CSMD1: variants seen among roughly 807,000 people sequenced by gnomAD.
CSMD1 encodes the protein CUB and Sushi multiple domains 1.
A neutral mutation model predicts 417.5 loss-of-function variants in CSMD1; 213 were observed. That is an observed-to-expected ratio of 0.51 (90% CI 0.46 to 0.57). The LOEUF (loss-of-function observed/expected upper bound fraction) is 0.57, where lower values mean the gene tolerates loss of function less well. CSMD1 is among the 20% of genes least tolerant of loss of function. The probability of loss-of-function intolerance (pLI) is 0.00; values close to 1 mark genes in which losing one functional copy is unlikely to be tolerated. For synonymous variants in CSMD1, 2,862 were observed against 1,736.8 expected, an observed-to-expected ratio of 1.65 and a Z score of -16.11; for missense variants, 6,923 against 4,529.7, an observed-to-expected ratio of 1.53 and a Z score of -15.17.
chr8:4,299,637 T>A (rs1467061939), intron 3 of CSMD1, among the ~76,000 whole-genome samples: 1 of 152,166 alleles, frequency 6.6e-6, no homozygotes, highest in Admixed American at 6.5e-5. Context: ...ATACACTATC[T>A]TTCTTTTCTT....
intron 3 of CSMD1, among the ~76,000 whole-genome samples, chr8:4,123,997 A>G (rs1347278158): frequency 1.3e-5 from 2 of 152,226 alleles, no homozygotes; most frequent in Non-Finnish European, 2.9e-5. Context: ...AAGAATAATT[A>G]AAATATTAAT....
chr8:3,059,515 G>A (rs901485878), intron 49 of CSMD1, among the ~76,000 whole-genome samples: 1 of 152,170 alleles, frequency 6.6e-6, no homozygotes, highest in Admixed American at 6.5e-5. Flanking sequence ...GAGGAGAGGA[G>A]GGGACACACG....
chr8:3,517,076 G>A (rs1216010783), intron 10 of CSMD1, among the ~76,000 whole-genome samples: 2 of 152,194 alleles, frequency 1.3e-5, no homozygotes, highest in Non-Finnish European at 2.9e-5. Flanking sequence ...CAGCTCCAGG[G>A]AAGGGGCATC....
chr8:3,439,309 A>ATATATATTTTTTT lies in CSMD1; in HGVS notation c.1561+29402_1561+29403insAAAAAAATATATA. On this transcript the variant is annotated intron_variant, in intron 12 of 69. Coordinates refer to ENST00000635120, the MANE Select transcript of CSMD1 (RefSeq NM_033225.6). The stretch of plus-strand genomic sequence containing the variant: ...TATATATATATATATATATATATAT[A>ATATATATTTTTTT]TTTTTTTTTTTAATATGTATTTTTA... Among the ~76,000 whole-genome samples the ATATATATTTTTTT allele has an allele frequency of 2.8e-3, 174 of 62,352 alleles. 3 individuals are homozygous for ATATATATTTTTTT. Among genetic ancestry groups the ATATATATTTTTTT allele is most frequent in the Middle Eastern group, 0.01 (1 of 100 alleles). 40.9% of individuals were successfully genotyped at this position (62,352 alleles called of 152,430 possible).
At chr8:3,991,929 TTTC>T (rs1259221109) in intron 5 of CSMD1, among the ~76,000 whole-genome samples, 1 of 152,126 alleles carries the variant, frequency 6.6e-6, no homozygotes, top group Non-Finnish European at 1.5e-5. Context: ...TTGTTTATAT[TTTC>T]TTGTTATATA....
chr8:4,533,802 T>C (rs2130475017), intron 2 of CSMD1, among the ~76,000 whole-genome samples: 1 of 151,706 alleles, frequency 6.6e-6, no homozygotes, highest in South Asian at 2.1e-4. Context: ...TCTGTGCTTC[T>C]ATATTTTATA....
chr8:3,759,075 G>C lies in CSMD1; in HGVS notation c.819-5033C>G, dbSNP rs138012994. On this transcript the variant is annotated intron_variant, in intron 5 of 69. Coordinates refer to ENST00000635120, the MANE Select transcript of CSMD1 (RefSeq NM_033225.6). ...AGCAACACAGCCCAGCTGACACCTT[G>C]ATTGTAGATGTGAGATTTCTAATCT... Among the ~76,000 whole-genome samples the C allele has an allele frequency of 9.5e-3, 1,452 of 152,276 alleles. 15 individuals carry two copies. The highest frequency in any genetic ancestry group is 0.027 in the South Asian group (132 of 4,826).
At chr8:3,226,700 A>G (rs189887370) in intron 27 of CSMD1, among the ~76,000 whole-genome samples, 2 of 152,302 alleles carry the variant, frequency 1.3e-5, no homozygotes, top group Admixed American at 1.3e-4. Flanking sequence ...GGATGTAACA[A>G]TAACAACAAC....
intron 3 of CSMD1, among the ~76,000 whole-genome samples, chr8:4,100,256 G>A (rs1451718650): frequency 6.6e-6 from 1 of 152,168 alleles, no homozygotes; most frequent in Non-Finnish European, 1.5e-5. Context: ...TAGGCATGCA[G>A]TTAATTGTCA....
At chr8:4,589,235 T>G (rs1489547978) in intron 2 of CSMD1, among the ~76,000 whole-genome samples, 1 of 152,208 alleles carries the variant, frequency 6.6e-6, no homozygotes, top group African/African-American at 2.4e-5. Context: ...TTTTCTATAT[T>G]GGAAAATAAA....
chr8:2,967,486 T>A (rs1804066661), intron 57 of CSMD1, among the ~76,000 whole-genome samples: 1 of 152,192 alleles, frequency 6.6e-6, no homozygotes, highest in African/African-American at 2.4e-5. Flanking sequence ...AAAAGCAAGC[T>A]CGGCTGCCGC....
intron 7 of CSMD1, among the ~76,000 whole-genome samples, chr8:3,685,828 G>A (rs1585074200): frequency 6.6e-6 from 1 of 152,082 alleles, no homozygotes; most frequent in East Asian, 1.9e-4. Flanking sequence ...TTTTGACACA[G>A]GCATGCGACG....
intron 28 of CSMD1, among the ~76,000 whole-genome samples, chr8:3,221,008 G>A (rs1798177131): frequency 6.6e-6 from 1 of 150,814 alleles, no homozygotes. Context: ...CTGAGACAGA[G>A]AAGGTCAGGG....
chr8:3,825,565 G>C (rs1409922120), intron 5 of CSMD1, among the ~76,000 whole-genome samples: 4 of 141,660 alleles, frequency 2.8e-5, no homozygotes, highest in Non-Finnish European at 4.6e-5. Flanking sequence ...GCTGAGGGTG[G>C]TGTTTGATTA....
At chr8:3,948,671 A>C (rs1006005641) in intron 5 of CSMD1, among the ~76,000 whole-genome samples, 14 of 152,204 alleles carry the variant, frequency 9.2e-5, no homozygotes, top group African/African-American at 3.4e-4. Flanking sequence ...AAATAATGGA[A>C]GGACCAATGA....
chr8:3,009,213 C>T (rs1216899390), intron 52 of CSMD1, among the ~76,000 whole-genome samples: 1 of 152,210 alleles, frequency 6.6e-6, no homozygotes, highest in Non-Finnish European at 1.5e-5. Context: ...TTGAAGCTCA[C>T]GTCTTCAGTG....
At chr8:3,514,403 A>G (rs1031094069) in intron 10 of CSMD1, among the ~76,000 whole-genome samples, 2 of 152,180 alleles carry the variant, frequency 1.3e-5, no homozygotes, top group African/African-American at 4.8e-5. Context: ...ATCTCTTGGA[A>G]TGATTACATA....
chr8:4,874,259 G>C (rs1031093180), intron 1 of CSMD1, among the ~76,000 whole-genome samples: 4 of 152,008 alleles, frequency 2.6e-5, no homozygotes, highest in East Asian at 1.9e-4. Flanking sequence ...AATTACGTGG[G>C]ATACTGCCTA....
intron 3 of CSMD1, among the ~76,000 whole-genome samples, chr8:4,249,781 G>A (rs987490362): frequency 4.6e-5 from 7 of 152,058 alleles, no homozygotes; most frequent in Admixed American, 3.9e-4. Flanking sequence ...GGGGCACTTG[G>A]GGAAATGAAG....
Sources: allele counts gnomAD v4.1 joint callset (sites outside exome capture counted in the v4.1 genomes callset), GRCh38; gene constraint gnomAD v4.1.1; transcripts MANE v1.5; gene names NCBI Gene and HGNC (gene_info 2026-07-23, HGNC 2026-07-21).